Variants in HERC4 observed in about 807,000 individuals in gnomAD.
The protein encoded by HERC4 is HECT and RLD domain containing E3 ubiquitin protein ligase 4.
In HERC4, 28 loss-of-function variants were observed where a neutral mutation model predicts 124.3. That is an observed-to-expected ratio of 0.23 (90% CI 0.17 to 0.31). The LOEUF is 0.31. HERC4 is among the 10% of genes least tolerant of loss of function. The pLI is 1.00. For missense variants in HERC4, 713 were observed against 1,229.3 expected (o/e 0.58, Z 6.28); for synonymous variants, 407 against 421.5 (o/e 0.97, Z 0.42).
At chr10:68,022,162 G>A (rs377705248) in intron 8 of HERC4, among the ~76,000 whole-genome samples, 1 of 152,298 alleles carries the variant, frequency 6.6e-6, no homozygotes. Context: ...GCATGGTCAT[G>A]GACTGGAAGA....
intron 8 of HERC4, among the ~76,000 whole-genome samples, chr10:68,024,665 T>A (rs756183290): frequency 6.6e-6 from 1 of 152,194 alleles, no homozygotes; most frequent in African/African-American, 2.4e-5. Context: ...TACATGCATT[T>A]GAAGCTAATA....
chr10:67,927,414 ATATATATATATATATAT>A (rs2031188175), intron 23 of HERC4, among the ~76,000 whole-genome samples: 3 of 8,690 alleles, frequency 3.5e-4, no homozygotes, highest in Admixed American at 1.1e-3. Context: ...ATATATATAT[ATATATATATATATATAT>A]TTTTTTTTTT....
chr10:67,975,174 A>G (rs1050309852), intron 15 of HERC4, among the ~76,000 whole-genome samples: 5 of 151,862 alleles, frequency 3.3e-5, no homozygotes, highest in Non-Finnish European at 7.4e-5. Context: ...GGGTGACAAG[A>G]GCCAAACTCT....
At chr10:68,050,609 T>A (rs1450049667) in intron 3 of HERC4, among the ~76,000 whole-genome samples, 1 of 152,198 alleles carries the variant, frequency 6.6e-6, no homozygotes, top group African/African-American at 2.4e-5. Context: ...GAATAATATT[T>A]AATAGCTGAC....
At chr10:68,012,850 G>T (rs185527521) in intron 9 of HERC4, among the ~76,000 whole-genome samples, 3 of 151,988 alleles carry the variant, frequency 2.0e-5, no homozygotes, top group Non-Finnish European at 4.4e-5. Context: ...AGTAATTCTC[G>T]CAATATTTCA....
At chr10:67,975,912 C>G (rs1193496869) in intron 15 of HERC4, among the ~76,000 whole-genome samples, 2 of 152,074 alleles carry the variant, frequency 1.3e-5, no homozygotes, top group African/African-American at 2.4e-5. Flanking sequence ...TACTAGCTTT[C>G]AAACAAAACA....
intron 23 of HERC4, among the ~76,000 whole-genome samples, chr10:67,926,544 C>T (rs1008293789): frequency 3.9e-5 from 6 of 152,140 alleles, no homozygotes; most frequent in African/African-American, 7.2e-5. Context: ...TCTTCAGATG[C>T]GTCAGGTCCT....
intron 9 of HERC4, among the ~76,000 whole-genome samples, chr10:68,005,125 T>C (rs535327753): frequency 2.0e-5 from 3 of 152,328 alleles, no homozygotes; most frequent in South Asian, 4.1e-4. Flanking sequence ...CATTGGTCCA[T>C]GTGTCTGTTT....
At chr10:68,061,296 G>C (rs929566579) in intron 3 of HERC4, among the ~76,000 whole-genome samples, 1 of 152,030 alleles carries the variant, frequency 6.6e-6, no homozygotes, top group African/African-American at 2.4e-5. Flanking sequence ...CACTTTGGGA[G>C]GCCAAGGCGG....
At chr10:67,996,000 G>GA in intron 9 of HERC4, 1 of 306,986 alleles carries the variant, frequency 3.3e-6, no homozygotes, top group South Asian at 2.4e-5. Context: ...TTCTCTATCT[G>GA]AAAGTGTCCT....
intron 4 of HERC4, among the ~76,000 whole-genome samples, chr10:68,043,612 C>G (rs553087411): frequency 7.9e-5 from 12 of 152,114 alleles, no homozygotes; most frequent in African/African-American, 2.9e-4. Context: ...GTCAGGAGTT[C>G]GAGACCAGCC....
intron 8 of HERC4, 51 bp downstream of exon 8, chr10:68,025,495 C>T (rs752844938): frequency 1.3e-6 from 2 of 1,550,840 alleles, no homozygotes; most frequent in South Asian, 2.5e-5. Flanking sequence ...TAAGCAATCC[C>T]TAAACAACTG....
chr10:67,969,621 G>A (rs1158129574), intron 15 of HERC4, among the ~76,000 whole-genome samples: 2 of 152,152 alleles, frequency 1.3e-5, no homozygotes, highest in East Asian at 1.9e-4. Flanking sequence ...GGAAGGGGAC[G>A]CAAACCCATG....
intron 9 of HERC4, chr10:67,994,256 G>T (rs953970385): frequency 3.3e-5 from 5 of 152,104 alleles, no homozygotes; most frequent in Admixed American, 2.6e-4. Context: ...ATATGGAATT[G>T]CTCATTTCCT....
At chr10:67,963,420 T>C (rs1183350900) in intron 16 of HERC4, among the ~76,000 whole-genome samples, 1 of 152,168 alleles carries the variant, frequency 6.6e-6, no homozygotes, top group Non-Finnish European at 1.5e-5. Flanking sequence ...TTTCGCCATA[T>C]TGGCCAGACT....
At chr10:68,062,072 T>C (rs1272200671) in intron 3 of HERC4, among the ~76,000 whole-genome samples, 2 of 152,078 alleles carry the variant, frequency 1.3e-5, no homozygotes, top group Non-Finnish European at 2.9e-5. Context: ...AGGTTAGAAC[T>C]GGGAGAAGTC....
chr10:68,038,397 GAC>G, intron 4 of HERC4: 1 of 366,226 alleles, frequency 2.7e-6, no homozygotes, highest in Non-Finnish European at 4.8e-6. Flanking sequence ...ATCTTGGAAA[GAC>G]AGTATTTAAG....
chr10:68,002,677 C>A (rs1303485615), intron 9 of HERC4, among the ~76,000 whole-genome samples: 2 of 148,496 alleles, frequency 1.3e-5, no homozygotes, highest in Non-Finnish European at 3.0e-5. Flanking sequence ...CAGCTCACTG[C>A]AACCTCTGCC....
intron 15 of HERC4, among the ~76,000 whole-genome samples, chr10:67,977,289 C>T (rs2132585850): frequency 6.6e-6 from 1 of 152,282 alleles, no homozygotes; most frequent in South Asian, 2.1e-4. Context: ...TCCTGAACAA[C>T]ATTTCTAGAT....
Sources: allele counts gnomAD v4.1 joint callset (sites outside exome capture counted in the v4.1 genomes callset), GRCh38; gene constraint gnomAD v4.1.1; transcripts MANE v1.5; gene names NCBI Gene and HGNC (gene_info 2026-07-23, HGNC 2026-07-21).